The following LRBA variants were observed in gnomAD, a reference collection of about 807,000 sequenced individuals.
The protein encoded by LRBA is LPS responsive beige-like anchor protein.
In LRBA, 176 loss-of-function variants were observed where a neutral mutation model predicts 330.0. The observed-to-expected ratio is 0.53, with a 90% confidence interval of 0.47 to 0.60. The LOEUF is 0.60. Ranked by LOEUF, LRBA falls within the 20% of genes least tolerant of loss-of-function variation. The pLI, the probability that LRBA is intolerant of heterozygous loss-of-function variation, is 0.00. For missense variants in LRBA, 3,259 were observed against 3,444.8 expected (o/e 0.95, Z 1.35); for synonymous variants, 1,230 against 1,193.0 (o/e 1.03, Z -0.64).
chr4:150,491,657 G>A (rs1001024015), intron 40 of LRBA, among the ~76,000 whole-genome samples: 1 of 151,994 alleles, frequency 6.6e-6, no homozygotes, highest in African/African-American at 2.4e-5. Context: ...TCTCCCTATG[G>A]GGTAGGTGGT....
chr4:150,740,835 A>G (rs1731852051), intron 35 of LRBA, among the ~76,000 whole-genome samples: 1 of 152,230 alleles, frequency 6.6e-6, no homozygotes, highest in East Asian at 1.9e-4. Flanking sequence ...AATGTAAACA[A>G]ACAAGAATAC....
intron 2 of LRBA, among the ~76,000 whole-genome samples, chr4:150,977,784 T>C (rs1579381929): frequency 6.6e-6 from 1 of 152,170 alleles, no homozygotes; most frequent in East Asian, 1.9e-4. Context: ...GGGTCTGTGG[T>C]GGTGGTGGCT....
chr4:150,271,810 TTCC>T (rs1316383876), intron 56 of LRBA, among the ~76,000 whole-genome samples: 1 of 152,080 alleles, frequency 6.6e-6, no homozygotes, highest in Admixed American at 6.5e-5. Context: ...CCTCTCTAGA[TTCC>T]TCCTCTCTGG....
Position 150,350,096 on chromosome 4 carries a change from T to G in LRBA, c.7258A>C (p.Lys2420Gln). 6.2e-7 allele frequency: 1 copy of G among 1,607,602 alleles called. No homozygotes were observed. Among genetic ancestry groups the G allele is most frequent in the Non-Finnish European group, 8.5e-7 (1 of 1,177,908 alleles). The change falls in exon 48 of 57, where the codon AAA becomes CAA. Residue 2420 changes from lysine (K) to glutamine (Q), a missense_variant. Physicochemically the swap from Lys to Gln is moderately conservative, Grantham distance 53. Coordinates refer to ENST00000651943, the MANE Select transcript of LRBA (RefSeq NM_001364905.1). ...HQWIDLIFGY[K>Q]QQGPEAVRAL... ...CGGACAGCTTCTGGTCCTTGCTGTT[T>G]ATAGCCAAAAATGAGATCAATCCAT...
chr4:150,701,085 T>A (rs1785075935), intron 36 of LRBA, among the ~76,000 whole-genome samples: 2 of 152,184 alleles, frequency 1.3e-5, no homozygotes, highest in African/African-American at 4.8e-5. Context: ...TTTTTCAATT[T>A]TTAAATTTTG....
chr4:150,528,136 T>A (rs1000630424), intron 40 of LRBA, among the ~76,000 whole-genome samples: 1 of 152,160 alleles, frequency 6.6e-6, no homozygotes. Context: ...CACTGTACTA[T>A]AAATATCAAC....
intron 47 of LRBA, among the ~76,000 whole-genome samples, chr4:150,351,545 C>T (rs1009480891): frequency 2.0e-4 from 31 of 152,020 alleles, no homozygotes; most frequent in African/African-American, 6.5e-4. Flanking sequence ...AAAAATTAGC[C>T]GGGCGTGGTG....
At chr4:150,399,590 G>A (rs1198930961) in intron 47 of LRBA, among the ~76,000 whole-genome samples, 1 of 152,172 alleles carries the variant, frequency 6.6e-6, no homozygotes, top group Non-Finnish European at 1.5e-5. Context: ...TGTTAAGTAT[G>A]TCCACTTAAA....
intron 46 of LRBA, among the ~76,000 whole-genome samples, chr4:150,428,830 T>C (rs28460294): frequency 0.058 from 8,789 of 152,172 alleles, 401 homozygotes; most frequent in East Asian, 0.17. Context: ...TTCTATGTTT[T>C]CTACACACCC....
At chr4:150,573,944 A>G (rs1770206663) in intron 40 of LRBA, among the ~76,000 whole-genome samples, 1 of 152,164 alleles carries the variant, frequency 6.6e-6, no homozygotes, top group Non-Finnish European at 1.5e-5. Context: ...TCTAAGGAGA[A>G]GACCAATAAT....
At chr4:150,782,532 G>A (rs532004736) in intron 34 of LRBA, among the ~76,000 whole-genome samples, 1 of 152,292 alleles carries the variant, frequency 6.6e-6, no homozygotes, top group South Asian at 2.1e-4. Flanking sequence ...TGTGGCCAAA[G>A]AAAACAGGGT....
At chr4:150,533,187 G>A (rs1161425125) in intron 40 of LRBA, among the ~76,000 whole-genome samples, 1 of 151,826 alleles carries the variant, frequency 6.6e-6, no homozygotes, top group Non-Finnish European at 1.5e-5. Context: ...TTGTTTGTTT[G>A]TTTTTTAATT....
rs561275540 is a variant in LRBA, at chr4:150,989,562, G to A, written c.216+24865C>T. Among the ~76,000 whole-genome samples the A allele has an allele frequency of 3.3e-5, 5 of 152,158 alleles. No homozygotes were observed. In the South Asian group the frequency reaches 6.2e-4, roughly 19 times the overall value. The stretch of plus-strand genomic sequence containing the variant: ...CGGAAGGCACAGGCTGCAGTGAGCC[G>A]AGATCACGCCACTGCACTCCAGCCC... On this transcript the variant is annotated intron_variant, in intron 2 of 56. Transcript: ENST00000651943.
chr4:150,873,421 T>C (rs931744285), intron 17 of LRBA, among the ~76,000 whole-genome samples: 1 of 151,858 alleles, frequency 6.6e-6, no homozygotes, highest in Non-Finnish European at 1.5e-5. Context: ...TGAGACCCCA[T>C]CTCTACTAAA....
intron 5 of LRBA, among the ~76,000 whole-genome samples, chr4:150,920,409 C>T (rs554792311): frequency 2.6e-5 from 4 of 152,092 alleles, no homozygotes; most frequent in African/African-American, 7.2e-5. Context: ...ATTAGTCAGG[C>T]GTGGTCGTGG....
At chr4:150,726,337 G>T (rs1046923890) in intron 36 of LRBA, among the ~76,000 whole-genome samples, 1 of 152,170 alleles carries the variant, frequency 6.6e-6, no homozygotes, top group Non-Finnish European at 1.5e-5. Context: ...AACAGAGCAG[G>T]AGTAGTTACA....
intron 2 of LRBA, among the ~76,000 whole-genome samples, chr4:150,959,031 C>G (rs1376576357): frequency 6.7e-6 from 1 of 149,322 alleles, no homozygotes; most frequent in Non-Finnish European, 1.5e-5. Context: ...AGCACCCCAC[C>G]CTACCATTAC....
At chr4:150,508,240 A>AGC (rs1761374760) in intron 40 of LRBA, among the ~76,000 whole-genome samples, 1 of 64,988 alleles carries the variant, frequency 1.5e-5, no homozygotes, top group Admixed American at 2.5e-4. Context: ...TTAAAAAAAA[A>AGC]GGGGGGGGGG....
intron 17 of LRBA, among the ~76,000 whole-genome samples, chr4:150,884,224 G>C (rs768794485): frequency 3.9e-5 from 6 of 152,186 alleles, no homozygotes; most frequent in African/African-American, 1.2e-4. Context: ...ACTTGGTTAC[G>C]AATCAATGGG....
Sources: allele counts gnomAD v4.1 joint callset (sites outside exome capture counted in the v4.1 genomes callset), GRCh38; gene constraint gnomAD v4.1.1; transcripts MANE v1.5; gene names NCBI Gene and HGNC (gene_info 2026-07-23, HGNC 2026-07-21).